COL5A1: variants seen among roughly 807,000 people sequenced by gnomAD.
The protein encoded by COL5A1 is collagen type V alpha 1 chain.
In COL5A1, 16 loss-of-function variants were observed where a neutral mutation model predicts 263.7. The ratio of observed to expected loss-of-function variants is 0.06; its 90% CI spans 0.04 to 0.09. The LOEUF (loss-of-function observed/expected upper bound fraction) is 0.09. Among genes scored for constraint, COL5A1 ranks in the 10% least tolerant of loss-of-function variants. The pLI is 1.00. For missense variants in COL5A1, 2,036 were observed against 2,540.5 expected (o/e 0.80, Z 4.27); for synonymous variants, 1,012 against 1,004.5 (o/e 1.01, Z -0.14).
intron 4 of COL5A1, among the ~76,000 whole-genome samples, chr9:134,722,490 G>T (rs543577854): frequency 6.6e-6 from 1 of 152,328 alleles, no homozygotes; most frequent in African/African-American, 2.4e-5. Flanking sequence ...GTACGGGGTT[G>T]TGCCGGACAC....
chr9:134,724,886 G>A (rs528062665), intron 4 of COL5A1, among the ~76,000 whole-genome samples: 1 of 152,022 alleles, frequency 6.6e-6, no homozygotes, highest in African/African-American at 2.4e-5. Flanking sequence ...CCAGGCTCGG[G>A]TGAACCAGGC....
rs1297732177 is a variant in COL5A1 at position 134,757,420 on chromosome 9, A to G, written c.1881+602A>G. Among the ~76,000 whole-genome samples the G allele has an allele frequency of 6.6e-6, 1 of 152,080 alleles. No individual in the cohort carries two copies. Among genetic ancestry groups the G allele is most frequent in the Non-Finnish European group, 1.5e-5 (1 of 68,016 alleles). On this transcript the variant is annotated intron_variant, in intron 17 of 65. Coordinates refer to ENST00000371817, the MANE Select transcript of COL5A1 (RefSeq NM_000093.5). The surrounding 1 kb of genome is among the most constrained non-coding windows in gnomAD (Gnocchi z 6.2). Reference sequence around the variant, plus strand: ...TCCCAGGCCACGGGGGGCAGGGGAGATACTGACCTTCCGTGAAGAGTGCAC... The same window carrying G: ...TCCCAGGCCACGGGGGGCAGGGGAGGTACTGACCTTCCGTGAAGAGTGCAC...
intron 63 of COL5A1, among the ~76,000 whole-genome samples, chr9:134,828,374 C>T (rs936751729): frequency 2.6e-5 from 4 of 152,056 alleles, no homozygotes; most frequent in Admixed American, 6.5e-5. Flanking sequence ...TGCACATGAT[C>T]CAGGCAGGCA....
chr9:134,784,326 G>A (rs1378768568), intron 29 of COL5A1, among the ~76,000 whole-genome samples: 2 of 152,240 alleles, frequency 1.3e-5, no homozygotes, highest in Admixed American at 6.5e-5. Flanking sequence ...ATCAGAGGAG[G>A]ATCCATCCAT....
intron 1 of COL5A1, among the ~76,000 whole-genome samples, chr9:134,657,426 T>C (rs1277382456): frequency 1.2e-4 from 1 of 8,318 alleles, no homozygotes; most frequent in East Asian, 4.1e-3. Flanking sequence ...GGGGGTGGGG[T>C]GGGGGTGTAG....
intron 4 of COL5A1, chr9:134,708,587 C>T (rs1344322590): frequency 1.9e-6 from 1 of 518,854 alleles, no homozygotes; most frequent in Non-Finnish European, 3.8e-6. Flanking sequence ...CAGCCCAGAC[C>T]CCACCCTGGC....
intron 31 of COL5A1, among the ~76,000 whole-genome samples, chr9:134,788,759 G>A (rs982295618): frequency 3.3e-5 from 5 of 151,430 alleles, no homozygotes; most frequent in Non-Finnish European, 5.9e-5. Flanking sequence ...ATGGATGGGT[G>A]GGCAGATGAG....
chr9:134,645,355 G>T (rs1245153518), intron 1 of COL5A1, among the ~76,000 whole-genome samples: 4 of 152,320 alleles, frequency 2.6e-5, no homozygotes, highest in South Asian at 2.1e-4. Context: ...TCCCTGGACC[G>T]CCCCATCCCA....
At chr9:134,759,158 T>C (rs1401818841) in intron 18 of COL5A1, among the ~76,000 whole-genome samples, 4 of 151,880 alleles carry the variant, frequency 2.6e-5, no homozygotes, top group African/African-American at 9.7e-5. Context: ...TCCTTTATAT[T>C]TTAGCACACT....
At chr9:134,710,793 G>A (rs372319289) in intron 4 of COL5A1, among the ~76,000 whole-genome samples, 11 of 95,474 alleles carry the variant, frequency 1.2e-4, no homozygotes, top group African/African-American at 3.6e-4. Context: ...GAGGGGCCCC[G>A]TCTGTTGGGT....
At chr9:134,659,768 G>A (rs532847024) in intron 1 of COL5A1, among the ~76,000 whole-genome samples, 105 of 152,214 alleles carry the variant, frequency 6.9e-4, no homozygotes, top group African/African-American at 2.3e-3. Context: ...CAGGCGCCCC[G>A]AGTACCGTCC....
chr9:134,718,306 C>T lies in COL5A1; in HGVS notation c.655-8960C>T, dbSNP rs1443867063. ...GGGCTCTGCAGCAGAGCGGAATGGC[C>T]GTAATGACCCTGGCCTGGTGGCGGA... On this transcript the variant is annotated intron_variant, in intron 4 of 65. Transcript: ENST00000371817. Among the ~76,000 whole-genome samples, 4 of 152,212 alleles carry T rather than the reference C, an allele frequency of 2.6e-5. No individual in the cohort carries two copies. The South Asian group carries it at 8.3e-4, about 32-fold the overall frequency.
chr9:134,760,125 C>T (rs1410241040), intron 18 of COL5A1, among the ~76,000 whole-genome samples: 1 of 130,822 alleles, frequency 7.6e-6, no homozygotes, highest in Non-Finnish European at 1.6e-5. Context: ...CGCCCACACA[C>T]CCCCACACTC....
rs142886387 is a variant in COL5A1 at position 134,835,105 on chromosome 9, G to A, written c.5271G>A (p.Thr1757=). The part of the protein sequence containing the change: ...YQSVAWQDAA[T]GSYDKALRFL... ...CAGTGGCCTGGCAGGACGCAGCCAC[G>A]GGCAGCTACGACAAGGCCCTCCGCT... Residue 1757 remains threonine (T), a synonymous_variant, in exon 65 of 66, where the codon ACG becomes ACA. Coordinates refer to ENST00000371817, the MANE Select transcript of COL5A1 (RefSeq NM_000093.5). 1.4e-4 allele frequency: 219 copies of A among 1,613,630 alleles called. No individual in the cohort carries two copies. The highest frequency in any genetic ancestry group is 1.8e-4 in the Non-Finnish European group (207 of 1,180,032).
At chr9:134,791,297 C>T (rs1208954064) in intron 32 of COL5A1, among the ~76,000 whole-genome samples, 8 of 152,272 alleles carry the variant, frequency 5.3e-5, no homozygotes, top group South Asian at 4.1e-4. Flanking sequence ...AGGGCGAGGC[C>T]GTGTGCTTCC....
Position 134,835,220 on chromosome 9 carries a change from C to T in COL5A1, c.5370+16C>T, listed in dbSNP as rs746061383. ...CGGCTGTGCTGTGAGTATCCCGCGC[C>T]GCGCCCAGCACCCCTGCTCACGCCT... is the stretch of plus-strand genomic sequence containing the variant. On this transcript the variant is annotated intron_variant, in intron 65 of 65. Coordinates refer to ENST00000371817, the MANE Select transcript of COL5A1 (RefSeq NM_000093.5). The T allele has an allele frequency of 8.1e-6, 13 of 1,606,734 alleles. No individual in the cohort carries two copies. The highest frequency in any genetic ancestry group is 1.7e-4 in the Middle Eastern group (1 of 6,038).
At chr9:134,804,600 TAG>T (rs1394630596) in intron 39 of COL5A1, among the ~76,000 whole-genome samples, 2 of 152,096 alleles carry the variant, frequency 1.3e-5, no homozygotes, top group Non-Finnish European at 2.9e-5. Context: ...GGAGCAGGGG[TAG>T]AGTCAGATTT....
Position 134,810,323 on chromosome 9 carries a change from G to T in COL5A1, c.3528+15G>T. On this transcript the variant is annotated intron_variant, in intron 44 of 65. Coordinates refer to ENST00000371817, the MANE Select transcript of COL5A1 (RefSeq NM_000093.5). ...AAGGAGAACAGGTAAGTATTGGCACGGGGGCGCGCGGCAGCCCCCAGGTCC... is the reference window on the plus strand; with the variant it reads ...AAGGAGAACAGGTAAGTATTGGCACTGGGGCGCGCGGCAGCCCCCAGGTCC... 6.2e-7 allele frequency: 1 copy of T among 1,612,836 alleles called. No individual in the cohort carries two copies. Among genetic ancestry groups the T allele is most frequent in the Non-Finnish European group, 8.5e-7 (1 of 1,178,944 alleles).
chr9:134,817,961 G>T (rs1396425195), intron 54 of COL5A1, 130 bp downstream of exon 54: 2 of 921,608 alleles, frequency 2.2e-6, no homozygotes, highest in African/African-American at 1.6e-5. Flanking sequence ...GGGGCACCTG[G>T]CTCATGGCCT....
Sources: allele counts gnomAD v4.1 joint callset (sites outside exome capture counted in the v4.1 genomes callset), GRCh38; gene constraint gnomAD v4.1.1; non-coding constraint Gnocchi (gnomAD v3.1); transcripts MANE v1.5; gene names NCBI Gene and HGNC (gene_info 2026-07-23, HGNC 2026-07-21).